MYOZ2: variants seen among roughly 807,000 people sequenced by gnomAD.
MYOZ2 encodes myozenin 2, also known as myozenin-2.
Under a neutral mutation model 25.4 loss-of-function variants are expected in MYOZ2, and 19 were observed. That is an observed-to-expected ratio of 0.75 (90% confidence interval 0.52 to 1.10). The LOEUF is 1.10. Ranked by LOEUF, MYOZ2 falls within the 50% of genes least tolerant of loss-of-function variation. MYOZ2 has a pLI of 0.00. For missense variants in MYOZ2, 270 were observed against 317.9 expected (o/e 0.85, Z 1.15); for synonymous variants, 92 against 106.9 (o/e 0.86, Z 0.86).
intron 2 of MYOZ2, among the ~76,000 whole-genome samples, chr4:119,139,814 TCAGTCACCCTA>T (rs1337086171): frequency 6.6e-6 from 1 of 152,144 alleles, no homozygotes; most frequent in African/African-American, 2.4e-5. Context: ...TAAGTAAGCT[TCAGTCACCCTA>T]CAGTCCTCTC....
intron 2 of MYOZ2, among the ~76,000 whole-genome samples, chr4:119,145,497 C>T (rs1283440591): frequency 7.2e-6 from 1 of 138,314 alleles, no homozygotes; most frequent in Non-Finnish European, 1.6e-5. Context: ...CCACCATGCC[C>T]AGCTAAAACT....
chr4:119,166,275 A>G (rs1285904384), intron 5 of MYOZ2, among the ~76,000 whole-genome samples: 1 of 152,078 alleles, frequency 6.6e-6, no homozygotes, highest in Non-Finnish European at 1.5e-5. Context: ...CTAACCTTGA[A>G]GCGTATGTAG....
chr4:119,142,613 A>G (rs1458788666), intron 2 of MYOZ2, among the ~76,000 whole-genome samples: 1 of 152,116 alleles, frequency 6.6e-6, no homozygotes, highest in Non-Finnish European at 1.5e-5. Flanking sequence ...TCCATAGGCT[A>G]TTTCTACCAT....
At chr4:119,161,594 T>A (rs1382180882) in intron 4 of MYOZ2, among the ~76,000 whole-genome samples, 1 of 152,114 alleles carries the variant, frequency 6.6e-6, no homozygotes, top group Non-Finnish European at 1.5e-5. Context: ...TATAAGCACA[T>A]TCTTTTCTGT....
intron 3 of MYOZ2, 81 bp from the exon 4 acceptor site, chr4:119,157,941 T>C (rs991115759): frequency 6.0e-6 from 9 of 1,499,440 alleles, no homozygotes; most frequent in African/African-American, 4.1e-5. Context: ...AAATATACAA[T>C]TGAAGTTTTG....
At chr4:119,164,536 A>C in intron 5 of MYOZ2, 142 bp downstream of exon 5, 1 of 754,436 alleles carries the variant, frequency 1.3e-6, no homozygotes, top group Non-Finnish European at 2.1e-6. Flanking sequence ...ATATCTTCTA[A>C]GCCTAGGCAA....
chr4:119,154,273 A>G (rs1741521046), intron 3 of MYOZ2, among the ~76,000 whole-genome samples: 1 of 152,178 alleles, frequency 6.6e-6, no homozygotes. Flanking sequence ...AATTTACATA[A>G]TCTATAGGAT....
At chr4:119,181,012 A>G (rs1259907604) in intron 5 of MYOZ2, among the ~76,000 whole-genome samples, 1 of 152,154 alleles carries the variant, frequency 6.6e-6, no homozygotes, top group Non-Finnish European at 1.5e-5. Context: ...TATAATACAT[A>G]TATATTTTTT....
At chr4:119,152,196 T>G (rs796297387) in intron 3 of MYOZ2, among the ~76,000 whole-genome samples, 1 of 92,784 alleles carries the variant, frequency 1.1e-5, no homozygotes, top group Admixed American at 1.3e-4. Flanking sequence ...CTATAGTATT[T>G]ATACTTGTGA....
chr4:119,185,221 G>A (rs893122704), intron 5 of MYOZ2, among the ~76,000 whole-genome samples: 3 of 149,220 alleles, frequency 2.0e-5, no homozygotes, highest in East Asian at 4.0e-4. Context: ...TATCACCCAC[G>A]CTGGTCTCAA....
chr4:119,157,934 T>C lies in MYOZ2; in HGVS notation c.247-88T>C, dbSNP rs1426326289. ...AGCGACATTGCATTTAAATTATAAA[T>C]ATACAATTGAAGTTTTGCATATATA... On this transcript the variant is annotated intron_variant, in intron 3 of 5. Transcript: ENST00000307128. The C allele has an allele frequency of 2.0e-6, 3 of 1,484,072 alleles. No individual in the cohort carries two copies. The East Asian group carries it at 6.8e-5, about 34-fold the overall frequency. 91.9% of individuals were successfully genotyped at this position (1,484,072 alleles called of 1,614,324 possible).
chr4:119,173,864 G>A (rs564820129), intron 5 of MYOZ2, among the ~76,000 whole-genome samples: 24 of 152,312 alleles, frequency 1.6e-4, no homozygotes, highest in Non-Finnish European at 2.2e-4. Flanking sequence ...TGGGCTTGGC[G>A]GGCCCCGCAC....
intron 2 of MYOZ2, among the ~76,000 whole-genome samples, chr4:119,137,293 T>C (rs1320336992): frequency 6.6e-6 from 1 of 152,138 alleles, no homozygotes; most frequent in Non-Finnish European, 1.5e-5. Context: ...GAGAAAGCAA[T>C]GCTTTATAAC....
At chr4:119,175,721 C>T (rs1742057191) in intron 5 of MYOZ2, among the ~76,000 whole-genome samples, 1 of 151,022 alleles carries the variant, frequency 6.6e-6, no homozygotes, top group South Asian at 2.1e-4. Context: ...CACTGCACTC[C>T]AGCCTGGGTG....
At chr4:119,148,721 T>C (rs923089601) in intron 2 of MYOZ2, among the ~76,000 whole-genome samples, 7 of 133,668 alleles carry the variant, frequency 5.2e-5, no homozygotes, top group African/African-American at 1.9e-4. Flanking sequence ...ATTTCTCGAC[T>C]GAGATTTTTT....
chr4:119,150,879 T>C lies in MYOZ2; in HGVS notation c.84T>C (p.Asp28=), dbSNP rs397517292. 2 of 1,613,726 alleles carry C rather than the reference T, an allele frequency of 1.2e-6. No homozygotes were observed. The highest frequency in any genetic ancestry group is 3.3e-5 in the Admixed American group (2 of 60,010). The stretch of plus-strand genomic sequence containing the variant: ...ATGAATATTGTTTTACAGATGTTGA[T>C]GGCATGGACCTGGGCAAAAAGGTCA... ...IMKEVHGNDV[D]GMDLGKKVSI... The change falls in exon 3 of 6, where the codon GAT becomes GAC. Residue 28 remains aspartate (D), a synonymous_variant. Transcript: ENST00000307128.
chr4:119,175,473 A>G (rs188870831), intron 5 of MYOZ2, among the ~76,000 whole-genome samples: 2 of 152,266 alleles, frequency 1.3e-5, no homozygotes, highest in East Asian at 1.9e-4. Flanking sequence ...TTCTTAAAAA[A>G]CAATGGGCCA....
chr4:119,169,304 G>T (rs1197998780), intron 5 of MYOZ2, among the ~76,000 whole-genome samples: 4 of 152,146 alleles, frequency 2.6e-5, no homozygotes, highest in Middle Eastern at 3.2e-3. Context: ...TTGCTCTCTT[G>T]TGATACTCTA....
chr4:119,145,696 T>C (rs1741277765), intron 2 of MYOZ2, among the ~76,000 whole-genome samples: 1 of 152,158 alleles, frequency 6.6e-6, no homozygotes, highest in African/African-American at 2.4e-5. Flanking sequence ...GTTGTCTTTC[T>C]CTGGCTTTGG....
Sources: gnomAD v4.1 joint callset for allele counts (sites outside exome capture counted in the v4.1 genomes callset) on GRCh38, gnomAD v4.1.1 for gene constraint, MANE v1.5 for transcripts, NCBI Gene and HGNC (gene_info 2026-07-23, HGNC 2026-07-21) for gene names.